Variants in AK5 observed in about 807,000 individuals in gnomAD.
The protein encoded by AK5 is adenylate kinase 5, also known as adenylate kinase isoenzyme 5.
In AK5, 27 loss-of-function variants were observed where a neutral mutation model predicts 69.5. The observed-to-expected ratio is 0.39, with a 90% CI of 0.29 to 0.54. AK5 has a LOEUF of 0.54. AK5 is among the 20% of genes least tolerant of loss of function. The pLI is 0.71. For missense variants in AK5, 531 were observed against 700.4 expected (o/e 0.76, Z 2.73); for synonymous variants, 260 against 244.4 (o/e 1.06, Z -0.60).
At chr1:77,411,995 T>G (rs1465079274) in intron 7 of AK5, among the ~76,000 whole-genome samples, 2 of 152,328 alleles carry the variant, frequency 1.3e-5, no homozygotes, top group African/African-American at 4.8e-5. Flanking sequence ...CATTTAAGAT[T>G]ATGAAAACAT....
chr1:77,297,976 A>G (rs1382591486), intron 5 of AK5, 29 bp downstream of exon 5: 2 of 1,509,166 alleles, frequency 1.3e-6, no homozygotes, highest in Non-Finnish European at 1.8e-6. Context: ...ATTTTAAATG[A>G]ACTACTTTTT....
intron 10 of AK5, among the ~76,000 whole-genome samples, chr1:77,505,762 G>C (rs557306670): frequency 4.9e-4 from 75 of 151,902 alleles, no homozygotes; most frequent in South Asian, 4.0e-3. Flanking sequence ...GGTCTTGCAT[G>C]CTGCATACCT....
intron 13 of AK5, among the ~76,000 whole-genome samples, chr1:77,554,693 C>T (rs1048236602): frequency 2.6e-5 from 4 of 152,088 alleles, no homozygotes; most frequent in South Asian, 2.1e-4. Flanking sequence ...GTCAGCTCCA[C>T]CTCCCGGGTT....
chr1:77,511,774 G>T (rs960209929), intron 10 of AK5, among the ~76,000 whole-genome samples: 8 of 152,210 alleles, frequency 5.3e-5, no homozygotes, highest in Admixed American at 3.9e-4. Flanking sequence ...GACACGGCAG[G>T]TTCCATAGAA....
At chr1:77,368,229 A>G (rs1445496325) in intron 6 of AK5, among the ~76,000 whole-genome samples, 4 of 26,630 alleles carry the variant, frequency 1.5e-4, no homozygotes, top group Admixed American at 5.8e-4. Flanking sequence ...ATATATATAT[A>G]TATATATATA....
At chr1:77,314,836 G>C (rs1033073031) in intron 5 of AK5, 1 of 152,104 alleles carries the variant, frequency 6.6e-6, no homozygotes, top group Non-Finnish European at 1.5e-5. Flanking sequence ...AAGGTCCATA[G>C]TATTCCAGAT....
At chr1:77,321,082 A>G (rs561458933) in intron 5 of AK5, among the ~76,000 whole-genome samples, 120 of 152,338 alleles carry the variant, frequency 7.9e-4, no homozygotes, top group African/African-American at 2.7e-3. Context: ...AGAACAATAG[A>G]CATGTCTAGA....
chr1:77,464,735 A>C (rs1654038048), intron 8 of AK5, among the ~76,000 whole-genome samples: 1 of 152,170 alleles, frequency 6.6e-6, no homozygotes, highest in Non-Finnish European at 1.5e-5. Flanking sequence ...GAGCGATAAC[A>C]TGGAAACATG....
At chr1:77,407,547 T>C (rs899360933) in intron 6 of AK5, among the ~76,000 whole-genome samples, 1 of 152,072 alleles carries the variant, frequency 6.6e-6, no homozygotes, top group African/African-American at 2.4e-5. Flanking sequence ...TGGGGGGTGA[T>C]GGGTATGTTA....
intron 8 of AK5, among the ~76,000 whole-genome samples, chr1:77,433,298 T>G (rs937615508): frequency 1.3e-5 from 2 of 152,168 alleles, no homozygotes; most frequent in South Asian, 4.1e-4. Context: ...TAGTCATCCT[T>G]ATTTTTACCA....
chr1:77,323,459 A>G (rs1660637088), intron 5 of AK5, among the ~76,000 whole-genome samples: 1 of 152,252 alleles, frequency 6.6e-6, no homozygotes, highest in Non-Finnish European at 1.5e-5. Context: ...CATAAACATT[A>G]GAGCAAATTA....
intron 6 of AK5, among the ~76,000 whole-genome samples, chr1:77,410,345 T>A (rs533602945): frequency 6.6e-6 from 1 of 152,170 alleles, no homozygotes; most frequent in Non-Finnish European, 1.5e-5. Context: ...CAGCGCCATC[T>A]TGGCTCACTA....
At chr1:77,385,012 C>G (rs1015221404) in intron 6 of AK5, among the ~76,000 whole-genome samples, 1 of 151,988 alleles carries the variant, frequency 6.6e-6, no homozygotes, top group Non-Finnish European at 1.5e-5. Context: ...TATTCATCAA[C>G]AGCCAAAATT....
intron 6 of AK5, among the ~76,000 whole-genome samples, chr1:77,368,274 T>TTATATATGTTA (rs1421421865): frequency 1.2e-4 from 7 of 58,360 alleles, no homozygotes; most frequent in East Asian, 8.6e-4. Context: ...TATATATATG[T>TTATATATGTTA]TATATATGTT....
chr1:77,434,194 T>G (rs892423583), intron 8 of AK5, among the ~76,000 whole-genome samples: 1 of 151,460 alleles, frequency 6.6e-6, no homozygotes. Flanking sequence ...GACAAGGAAA[T>G]TTGGTTACTT....
intron 5 of AK5, among the ~76,000 whole-genome samples, chr1:77,330,249 T>C (rs1661016911): frequency 1.3e-5 from 2 of 152,214 alleles, no homozygotes; most frequent in Admixed American, 1.3e-4. Context: ...AAGCAATCTA[T>C]TTTATCAAAC....
At chr1:77,354,925 A>G (rs1662411653) in intron 6 of AK5, among the ~76,000 whole-genome samples, 2 of 152,262 alleles carry the variant, frequency 1.3e-5, no homozygotes, top group Non-Finnish European at 2.9e-5. Flanking sequence ...AAAGATAAAT[A>G]GTGCTGTGTA....
Position 77,353,299 on chromosome 1 carries a change from A to G in AK5, c.891+12731A>G, listed in dbSNP as rs1482946725. On this transcript the variant is annotated intron_variant, in intron 6 of 13. Coordinates refer to ENST00000354567, the MANE Select transcript of AK5 (RefSeq NM_174858.3). ...TCAAGACCAGCCTAGCCAACATGGT[A>G]AAATCCTGTCTCTACTAAAAATACA... 2.0e-5 allele frequency among the ~76,000 whole-genome samples: 3 copies of G among 152,022 alleles called. No individual in the cohort carries two copies. In the South Asian group the frequency reaches 6.2e-4, roughly 32 times the overall value.
chr1:77,461,888 G>C (rs183881353), intron 8 of AK5, among the ~76,000 whole-genome samples: 2 of 152,196 alleles, frequency 1.3e-5, no homozygotes, highest in Non-Finnish European at 2.9e-5. Context: ...CCACAAAAAT[G>C]ATAACTATGT....
Sources: gnomAD v4.1 joint callset for allele counts (sites outside exome capture counted in the v4.1 genomes callset) on GRCh38, gnomAD v4.1.1 for gene constraint, MANE v1.5 for transcripts, NCBI Gene and HGNC (gene_info 2026-07-23, HGNC 2026-07-21) for gene names.